The following KYNU variants were observed in gnomAD, a reference collection of about 807,000 sequenced individuals.
KYNU encodes the protein kynureninase.
A neutral mutation model predicts 59.2 loss-of-function variants in KYNU; 54 were observed. The ratio of observed to expected loss-of-function variants is 0.91; its 90% CI spans 0.73 to 1.14. The LOEUF (loss-of-function observed/expected upper bound fraction) is 1.14. KYNU is among the 50% of genes most tolerant of loss of function. The pLI is 0.00. For synonymous variants in KYNU, 177 were observed against 192.0 expected (o/e 0.92, Z 0.65); for missense variants, 567 against 554.4 (o/e 1.02, Z -0.23).
At chr2:143,028,303 T>G (rs2104911265) in intron 10 of KYNU, among the ~76,000 whole-genome samples, 1 of 139,644 alleles carries the variant, frequency 7.2e-6, no homozygotes, top group East Asian at 2.2e-4. Context: ...TGGAGTGCAG[T>G]GGCTCCATCT....
chr2:142,976,644 G>A (rs1053284388), intron 8 of KYNU, among the ~76,000 whole-genome samples: 3 of 152,130 alleles, frequency 2.0e-5, no homozygotes, highest in African/African-American at 7.2e-5. Flanking sequence ...TAATTTATCA[G>A]AAGGTTGTGA....
chr2:143,039,585 T>A (rs1380932665), intron 12 of KYNU, among the ~76,000 whole-genome samples: 2 of 152,098 alleles, frequency 1.3e-5, no homozygotes, highest in Non-Finnish European at 2.9e-5. Context: ...AATAACAAGA[T>A]GCAGATGAAC....
intron 2 of KYNU, among the ~76,000 whole-genome samples, chr2:142,914,890 T>G (rs1446570603): frequency 6.6e-6 from 1 of 152,178 alleles, no homozygotes; most frequent in Non-Finnish European, 1.5e-5. Flanking sequence ...CCATGTTTGG[T>G]GGACCCAGTT....
At chr2:143,033,198 T>G in intron 11 of KYNU, 38 bp from the exon 12 acceptor site, 1 of 1,406,292 alleles carries the variant, frequency 7.1e-7, no homozygotes, top group Non-Finnish European at 1.0e-6. Context: ...ACTTTTAAAG[T>G]TACCTTCTAT....
At position 143,044,293 on chromosome 2, in the gene KYNU, CAT is replaced by C. The variant is rs1339253393; in HGVS notation, c.*2124_*2125del. 3 of 152,124 alleles carry C rather than the reference CAT, an allele frequency of 2.0e-5. No homozygotes were observed. The highest frequency in any genetic ancestry group is 4.4e-5 in the Non-Finnish European group (3 of 68,014). The allele number at this position is 152,124 out of a possible 1,614,324, so 9.4% of individuals were successfully genotyped here. ...CTATTGTGAATAGTGCTGCAATGAA[CAT>C]ATGTGTGCATGTGTCTTTATAGTAG... On this transcript the variant is annotated 3_prime_UTR_variant, in exon 14 of 14. Coordinates refer to ENST00000264170, the MANE Select transcript of KYNU (RefSeq NM_003937.3).
intron 1 of KYNU, among the ~76,000 whole-genome samples, chr2:142,881,062 G>A (rs936957068): frequency 2.6e-5 from 4 of 152,190 alleles, no homozygotes; most frequent in Non-Finnish European, 5.9e-5. Context: ...CAGGCCTCTT[G>A]AAAAAAGCAT....
rs1323594952 is a variant in KYNU at position 143,043,920 on chromosome 2, T to C, written c.*1748T>C. ...TTACATAGGTATACATGTGCCGTGG[T>C]GGATTGCTGCACCCATCAACCCGTC... On this transcript the variant is annotated 3_prime_UTR_variant, in exon 14 of 14. Transcript: ENST00000264170. The C allele has an allele frequency of 6.6e-6, 1 of 151,476 alleles. No individual in the cohort carries two copies. The highest frequency in any genetic ancestry group is 1.5e-5 in the Non-Finnish European group (1 of 67,884). 9.4% of individuals were successfully genotyped at this position (151,476 alleles called of 1,614,324 possible).
rs1682182821 is a variant in KYNU, at chr2:142,903,581, T to A, written c.170-15028T>A. Among the ~76,000 whole-genome samples the A allele has an allele frequency of 2.0e-5, 3 of 152,000 alleles. No individual in the cohort carries two copies. The South Asian group carries it at 6.2e-4, about 32-fold the overall frequency. ...GTTGTCCAGGACAGGAGAGTAAGACTGAGAAGGCCACGCCAGTGTCCAGGA... is the reference window on the plus strand; with the variant it reads ...GTTGTCCAGGACAGGAGAGTAAGACAGAGAAGGCCACGCCAGTGTCCAGGA... On this transcript the variant is annotated intron_variant, in intron 2 of 13. Coordinates refer to ENST00000264170, the MANE Select transcript of KYNU (RefSeq NM_003937.3).
chr2:143,042,337 G>A lies in KYNU; in HGVS notation c.*165G>A, dbSNP rs541099020. ...TCTGATATAATTTTTCAGAGTCTGTGGCACTAAGGAGTCCACAGGGCTGCC... is the reference window on the plus strand; with the variant it reads ...TCTGATATAATTTTTCAGAGTCTGTAGCACTAAGGAGTCCACAGGGCTGCC... On this transcript the variant is annotated 3_prime_UTR_variant, in exon 14 of 14. Transcript: ENST00000264170. The A allele has an allele frequency of 2.7e-6, 2 of 745,074 alleles. No homozygotes were observed. The highest frequency in any genetic ancestry group is 3.6e-5 in the African/African-American group (2 of 56,120). 46.2% of individuals were successfully genotyped at this position (745,074 alleles called of 1,614,324 possible).
chr2:142,938,755 TAAAAAAA>T (rs1402052033), intron 4 of KYNU, among the ~76,000 whole-genome samples: 1 of 151,988 alleles, frequency 6.6e-6, no homozygotes, highest in Non-Finnish European at 1.5e-5. Context: ...GAAAATTTTT[TAAAAAAA>T]GAAAAAAGAA....
chr2:142,956,001 C>G (rs1260811049), intron 5 of KYNU, among the ~76,000 whole-genome samples: 1 of 152,072 alleles, frequency 6.6e-6, no homozygotes, highest in African/African-American at 2.4e-5. Flanking sequence ...CATTGATAAG[C>G]AAATTGAGCC....
intron 1 of KYNU, among the ~76,000 whole-genome samples, chr2:142,884,688 C>CTTTTTTTTTTTTTTTTT (rs70997529): frequency 4.8e-4 from 37 of 77,052 alleles, no homozygotes; most frequent in Non-Finnish European, 5.3e-4. Flanking sequence ...TTCTCTTTTC[C>CTTTTTTTTTTTTTTTTT]TTTTTTTTTT....
At chr2:142,939,654 G>A (rs961074430) in intron 4 of KYNU, among the ~76,000 whole-genome samples, 1 of 147,450 alleles carries the variant, frequency 6.8e-6, no homozygotes, top group African/African-American at 2.5e-5. Context: ...AACAGATTGA[G>A]TACAGACCGA....
chr2:142,998,852 C>CA (rs1406938554), intron 10 of KYNU, among the ~76,000 whole-genome samples: 2 of 151,480 alleles, frequency 1.3e-5, no homozygotes, highest in Non-Finnish European at 2.9e-5. Flanking sequence ...ACTAAAAATA[C>CA]AAAAAAGTTA....
chr2:142,985,923 A>C (rs1242486051), intron 9 of KYNU, 25 bp from the exon 10 acceptor site: 2 of 1,513,748 alleles, frequency 1.3e-6, no homozygotes, highest in Non-Finnish European at 1.8e-6. Context: ...GTAAACCCAC[A>C]TAATTTAATT....
chr2:142,932,695 G>A (rs778360370), intron 4 of KYNU, among the ~76,000 whole-genome samples: 2 of 147,146 alleles, frequency 1.4e-5, no homozygotes, highest in Non-Finnish European at 3.0e-5. Flanking sequence ...TTGAGTGAGG[G>A]CAATGAGTTC....
intron 2 of KYNU, among the ~76,000 whole-genome samples, chr2:142,896,693 C>T (rs7424573): frequency 0.39 from 59,064 of 151,678 alleles, 11,584 homozygotes; most frequent in South Asian, 0.56. Flanking sequence ...CGCTTTGTTG[C>T]CCAGACTGGT....
intron 4 of KYNU, among the ~76,000 whole-genome samples, chr2:142,954,224 C>T (rs1684088760): frequency 2.0e-5 from 3 of 152,066 alleles, no homozygotes; most frequent in Non-Finnish European, 2.9e-5. Flanking sequence ...CATATTTTCT[C>T]ATCAGACAAT....
chr2:142,906,465 C>T (rs539777245), intron 2 of KYNU, among the ~76,000 whole-genome samples: 50 of 152,220 alleles, frequency 3.3e-4, no homozygotes, highest in Admixed American at 7.2e-4. Context: ...AGAACGGGTC[C>T]CACATAACTG....
Sources: allele counts gnomAD v4.1 joint callset (sites outside exome capture counted in the v4.1 genomes callset), GRCh38; gene constraint gnomAD v4.1.1; transcripts MANE v1.5; gene names NCBI Gene and HGNC (gene_info 2026-07-23, HGNC 2026-07-21).